PTPRE: variants seen among roughly 807,000 people sequenced by gnomAD.
PTPRE encodes the protein protein tyrosine phosphatase receptor type E, also known as receptor-type tyrosine-protein phosphatase epsilon.
In PTPRE, 51 loss-of-function variants were observed where a neutral mutation model predicts 102.0. The observed-to-expected ratio is 0.50, with a 90% CI of 0.40 to 0.63. PTPRE has a LOEUF of 0.63. Among genes scored for constraint, PTPRE ranks in the 30% least tolerant of loss-of-function variants. The pLI is 0.00. For missense variants in PTPRE, 752 were observed against 915.1 expected, an observed-to-expected ratio of 0.82 and a Z score of 2.30; for synonymous variants, 345 against 348.2, an observed-to-expected ratio of 0.99 and a Z score of 0.10.
chr10:127,943,710 T>A (rs1028270807), intron 1 of PTPRE, among the ~76,000 whole-genome samples: 1 of 152,234 alleles, frequency 6.6e-6, no homozygotes, highest in Non-Finnish European at 1.5e-5. Context: ...GCCACTTTAT[T>A]CTGCAGTTGG....
intron 2 of PTPRE, among the ~76,000 whole-genome samples, chr10:127,996,127 C>T (rs137908735): frequency 4.6e-5 from 7 of 152,220 alleles, no homozygotes; most frequent in Non-Finnish European, 8.8e-5. Flanking sequence ...CCAGTGTGGA[C>T]GTGGAGTAGT....
chr10:128,046,070 C>G (rs1036330454), intron 3 of PTPRE, among the ~76,000 whole-genome samples: 2 of 152,336 alleles, frequency 1.3e-5, no homozygotes, highest in East Asian at 3.9e-4. Flanking sequence ...CTAATGGTCA[C>G]CCACGTCCCT....
rs187138516 is a variant in PTPRE at position 127,947,433 on chromosome 10, A to G, written c.-30-34841A>G. 2.4e-3 allele frequency among the ~76,000 whole-genome samples: 370 copies of G among 152,292 alleles called. 2 individuals carry two copies. The highest frequency in any genetic ancestry group is 8.7e-3 in the African/African-American group (361 of 41,558). ...CACACCCTGAGGCCCATTCTCCCCT[A>G]TGCTGTGTGTTAGAAGTCTGTCTCT... On this transcript the variant is annotated intron_variant, in intron 1 of 20. Coordinates refer to ENST00000254667, the MANE Select transcript of PTPRE (RefSeq NM_006504.6).
chr10:128,066,149 C>T lies in PTPRE; in HGVS notation c.798C>T (p.Cys266=), dbSNP rs766936985. 1.4e-5 allele frequency: 23 copies of T among 1,614,090 alleles called. No individual in the cohort carries two copies. In the Admixed American group the frequency reaches 1.5e-4, roughly 11 times the overall value. The part of the protein sequence containing the change: ...YGNIRVCVED[C]VVLVDYTIRK... Reference sequence around the variant, plus strand: ...ACATCCGGGTGTGCGTGGAGGACTGCGTGGTTTTGGTCGACTACACCATCC... The same window carrying T: ...ACATCCGGGTGTGCGTGGAGGACTGTGTGGTTTTGGTCGACTACACCATCC... The change falls in exon 11 of 21, where the codon TGC becomes TGT. Residue 266 remains cysteine (C), a synonymous_variant. Coordinates refer to ENST00000254667, the MANE Select transcript of PTPRE (RefSeq NM_006504.6).
At chr10:128,029,820 G>A (rs1442224358) in intron 2 of PTPRE, among the ~76,000 whole-genome samples, 1 of 152,236 alleles carries the variant, frequency 6.6e-6, no homozygotes, top group African/African-American at 2.4e-5. Flanking sequence ...GGTCTTAGGG[G>A]CCGCCAGCTT....
intron 1 of PTPRE, among the ~76,000 whole-genome samples, chr10:127,917,866 C>T (rs1306048879): frequency 6.6e-6 from 1 of 151,972 alleles, no homozygotes; most frequent in African/African-American, 2.4e-5. Flanking sequence ...CCCATCTCTA[C>T]TAAAAATACA....
In PTPRE at chr10:127,964,024, A is replaced by G. The variant is rs192112095; in HGVS notation, c.-30-18250A>G. ...TTAGTGCTGGCCCCCAGGTTTTGAA[A>G]TCTTCCATCTGATGTTCAGCCTCTT... On this transcript the variant is annotated intron_variant, in intron 1 of 20. Transcript: ENST00000254667. Among the ~76,000 whole-genome samples, 384 of 152,240 alleles carry G rather than the reference A, an allele frequency of 2.5e-3. 3 individuals carry two copies. Among genetic ancestry groups the G allele is most frequent in the African/African-American group, 8.0e-3 (332 of 41,540 alleles).
intron 20 of PTPRE, among the ~76,000 whole-genome samples, chr10:128,080,470 C>A (rs1851608125): frequency 6.6e-6 from 1 of 152,228 alleles, no homozygotes; most frequent in Non-Finnish European, 1.5e-5. Flanking sequence ...AGCGAGGACA[C>A]CTGAGCTGAG....
At chr10:128,060,215 ACACAC>A (rs959828488) in intron 7 of PTPRE, among the ~76,000 whole-genome samples, 7 of 150,300 alleles carry the variant, frequency 4.7e-5, no homozygotes, top group African/African-American at 1.5e-4. Flanking sequence ...CACACCACAC[ACACAC>A]CACACATTAC....
At chr10:127,909,183 A>C (rs896276999) in intron 1 of PTPRE, among the ~76,000 whole-genome samples, 1 of 152,166 alleles carries the variant, frequency 6.6e-6, no homozygotes, top group African/African-American at 2.4e-5. Flanking sequence ...CCTCTTCTCC[A>C]GGGATGCGTG....
chr10:128,072,440 G>A (rs912598593), intron 16 of PTPRE: 2 of 423,992 alleles, frequency 4.7e-6, no homozygotes. Context: ...ATCACTTGGG[G>A]TCAGGAGTTT....
chr10:127,964,787 C>T (rs1188975088), intron 1 of PTPRE: 2 of 229,968 alleles, frequency 8.7e-6, no homozygotes, highest in Non-Finnish European at 1.8e-5. Flanking sequence ...TGAAAAAAAT[C>T]TCTCTGCACC....
At chr10:128,007,169 T>C (rs1158813227) in intron 2 of PTPRE, among the ~76,000 whole-genome samples, 4 of 152,206 alleles carry the variant, frequency 2.6e-5, no homozygotes, top group Non-Finnish European at 5.9e-5. Context: ...TGGCTCTACA[T>C]TGATAAATAT....
intron 1 of PTPRE, among the ~76,000 whole-genome samples, chr10:127,961,939 T>A (rs72845887): frequency 0.061 from 9,314 of 152,228 alleles, 313 homozygotes; most frequent in Middle Eastern, 0.085. Flanking sequence ...ATGAAATTGG[T>A]TCTGCAGGAT....
intron 6 of PTPRE, among the ~76,000 whole-genome samples, chr10:128,052,204 A>G (rs79609033): frequency 0.06 from 9,139 of 152,252 alleles, 386 homozygotes; most frequent in Non-Finnish European, 0.096. Flanking sequence ...TCAGAGGGAC[A>G]TGCTCCCAAC....
chr10:128,055,997 C>T (rs773192649), intron 6 of PTPRE, 126 bp from the exon 7 acceptor site: 35 of 716,844 alleles, frequency 4.9e-5, no homozygotes, highest in South Asian at 1.6e-4. Context: ...GAGGCAGAGA[C>T]GGACTATGGA....
At position 128,049,683 on chromosome 10, in the gene PTPRE, C is replaced by G; in HGVS notation, c.420+17C>G. 2 of 1,613,512 alleles carry G rather than the reference C, an allele frequency of 1.2e-6. No individual in the cohort carries two copies. Among genetic ancestry groups the G allele is most frequent in the Non-Finnish European group, 1.7e-6 (2 of 1,179,916 alleles). ...GAGTTCAACGTGAGTGTGGGGAGGG[C>G]TCTCTGCTGGGTGCCCTGTGGTGGA... On this transcript the variant is annotated intron_variant, in intron 6 of 20. Coordinates refer to ENST00000254667, the MANE Select transcript of PTPRE (RefSeq NM_006504.6).
intron 1 of PTPRE, among the ~76,000 whole-genome samples, chr10:127,966,547 C>G (rs564035748): frequency 6.6e-6 from 1 of 152,226 alleles, no homozygotes; most frequent in Non-Finnish European, 1.5e-5. Context: ...GACCAGCCAC[C>G]TACTTAGCCA....
chr10:127,962,702 C>T (rs1042584192), intron 1 of PTPRE, among the ~76,000 whole-genome samples: 1 of 152,218 alleles, frequency 6.6e-6, no homozygotes, highest in Non-Finnish European at 1.5e-5. Context: ...CCCAGGACAT[C>T]AGCAGTGTCT....
Sources: gnomAD v4.1 joint callset for allele counts (sites outside exome capture counted in the v4.1 genomes callset) on GRCh38, gnomAD v4.1.1 for gene constraint, MANE v1.5 for transcripts, NCBI Gene and HGNC (gene_info 2026-07-23, HGNC 2026-07-21) for gene names.